The following TUBGCP2 variants were observed in gnomAD, a reference collection of about 807,000 sequenced individuals.
The protein encoded by TUBGCP2 is gamma-tubulin complex component 2.
In TUBGCP2, 55 loss-of-function variants were observed where a neutral mutation model predicts 92.2. The observed-to-expected ratio is 0.60, with a 90% CI of 0.48 to 0.75. TUBGCP2 has a LOEUF of 0.75. TUBGCP2 is among the 30% of genes least tolerant of loss of function. The pLI, the probability that TUBGCP2 is intolerant of heterozygous loss-of-function variation, is 0.00. For synonymous variants in TUBGCP2, 533 were observed against 505.2 expected (o/e 1.06, Z -0.74); for missense variants, 1,093 against 1,188.9 (o/e 0.92, Z 1.19).
rs537258676 is a variant in TUBGCP2 at position 133,287,097 on chromosome 10, A to C, written c.1722+1032T>G. ...AGACGAAAGAAGATTCAAATTACTA[A>C]AATCAGAAAAAGAAGGGATATAACT... On this transcript the variant is annotated intron_variant, in intron 11 of 17. Transcript: ENST00000252936. 3.3e-5 allele frequency among the ~76,000 whole-genome samples: 5 copies of C among 152,376 alleles called. No individual in the cohort carries two copies. In the East Asian group the frequency reaches 9.6e-4, roughly 29 times the overall value.
At chr10:133,286,797 C>G (rs1847144369) in intron 11 of TUBGCP2, among the ~76,000 whole-genome samples, 2 of 152,194 alleles carry the variant, frequency 1.3e-5, no homozygotes, top group African/African-American at 4.8e-5. Flanking sequence ...ACGGCTCCAA[C>G]AAGAAATCAG....
chr10:133,299,890 C>G lies in TUBGCP2; in HGVS notation c.279+95G>C, dbSNP rs1285768931. 2.6e-5 allele frequency: 39 copies of G among 1,511,936 alleles called. 1 individual carries two copies. The East Asian group carries it at 8.4e-4, about 33-fold the overall frequency. The allele number at this position is 1,511,936 out of a possible 1,614,324, so 93.7% of individuals were successfully genotyped here. A position where few individuals can be genotyped will look rare whatever the true frequency, so the allele number is the denominator to read the frequency against. ...CGTTACTGGTGTGAGCGAGGAAGAG[C>G]TGACAGGAAGATGGCGTGGAGTGAG... On this transcript the variant is annotated intron_variant, in intron 3 of 17. Coordinates refer to ENST00000252936, the MANE Select transcript of TUBGCP2 (RefSeq NM_006659.4).
Position 133,293,614 on chromosome 10 carries a change from C to G in TUBGCP2, c.772G>C (p.Glu258Gln). Residue 258 changes from glutamate (E) to glutamine (Q), a missense_variant, in exon 6 of 18, where the codon GAG becomes CAG. Physicochemically the swap from Glu to Gln is conservative, Grantham distance 29. Around this residue, in one of 3 missense-constraint regions of TUBGCP2, gnomAD observed 490 missense variants for 488.5 expected, o/e 1.00. Transcript: ENST00000252936. ...ACTGGGAGGATCCTGTGCACCAGCT[C>G]CCTGATGGACAGGTCCAGGTTGGGG... is the stretch of plus-strand genomic sequence containing the variant. ...VDPNLDLSIRELVHRILPVAA... is the reference protein window; with the variant it reads ...VDPNLDLSIRQLVHRILPVAA... 2 of 1,565,328 alleles carry G rather than the reference C, an allele frequency of 1.3e-6. No homozygotes were observed. Among genetic ancestry groups the G allele is most frequent in the Non-Finnish European group, 1.7e-6 (2 of 1,155,072 alleles).
intron 5 of TUBGCP2, among the ~76,000 whole-genome samples, chr10:133,296,898 G>A (rs1449691554): frequency 6.6e-6 from 1 of 152,172 alleles, no homozygotes; most frequent in African/African-American, 2.4e-5. Context: ...TTTGCTTGGG[G>A]ATGAGGAAAA....
intron 2 of TUBGCP2, among the ~76,000 whole-genome samples, chr10:133,301,056 C>G (rs1279984569): frequency 1.3e-5 from 2 of 152,196 alleles, no homozygotes; most frequent in African/African-American, 4.8e-5. Flanking sequence ...GTATTCCCCG[C>G]AGTAGTTTAT....
rs766709936 is a variant in TUBGCP2 at position 133,299,545 on chromosome 10, A to G, written c.338T>C (p.Val113Ala). 1.2e-6 allele frequency: 2 copies of G among 1,613,694 alleles called. No homozygotes were observed. Among genetic ancestry groups the G allele is most frequent in the Non-Finnish European group, 1.7e-6 (2 of 1,179,736 alleles). ...KERAELAAAAVGSSTTSINVP... is the reference protein window; with the variant it reads ...KERAELAAAAAGSSTTSINVP... ...GTTGATGCTGGTGGTACTGCTGCCC[A>G]CAGCAGCGGCTGCAAGCTCAGCTCT... Residue 113 changes from valine (V) to alanine (A), a missense_variant, in exon 4 of 18, where the codon GTG (valine) becomes GCG (alanine). Physicochemically the swap from Val to Ala is moderately conservative, Grantham distance 64 (BLOSUM62 0). Coordinates refer to ENST00000252936, the MANE Select transcript of TUBGCP2 (RefSeq NM_006659.4).
At chr10:133,311,953 C>T, upstream of TUBGCP2, 5 of 1,612,428 alleles carry the variant, frequency 3.1e-6, no homozygotes, top group Non-Finnish European at 4.2e-6. Context: ...AAAGGTAACG[C>T]TGGGTAAGAA....
rs781028187 is a variant in TUBGCP2, at chr10:133,288,327, C to A, written c.1542-18G>T. 1.9e-6 allele frequency: 3 copies of A among 1,610,902 alleles called. No individual in the cohort carries two copies. The highest frequency in any genetic ancestry group is 4.5e-5 in the East Asian group (2 of 44,748). On this transcript the variant is annotated intron_variant, in intron 10 of 17. Coordinates refer to ENST00000252936, the MANE Select transcript of TUBGCP2 (RefSeq NM_006659.4). The stretch of plus-strand genomic sequence containing the variant: ...TGATGGACCTGCGCCAGGGAGCAGG[C>A]GTGAGCAGGTGCCCACCCGCAGGTG...
upstream of TUBGCP2, chr10:133,310,256 C>A (rs1345905963): frequency 1.2e-6 from 2 of 1,614,044 alleles, no homozygotes; most frequent in Admixed American, 1.7e-5. Context: ...ACCCCGCGGA[C>A]TTCCGGTTTG....
chr10:133,298,613 C>T (rs910384703), intron 4 of TUBGCP2, among the ~76,000 whole-genome samples: 3 of 152,268 alleles, frequency 2.0e-5, no homozygotes, highest in African/African-American at 4.8e-5. Context: ...TGCCCTCCTG[C>T]GCCAGTGGCC....
intron 17 of TUBGCP2, among the ~76,000 whole-genome samples, chr10:133,280,332 T>G (rs1846935612): frequency 6.6e-6 from 1 of 152,142 alleles, no homozygotes; most frequent in African/African-American, 2.4e-5. Flanking sequence ...AAGCAGTGGT[T>G]CTCAATGCAG....
In TUBGCP2 at chr10:133,278,819, TC is replaced by T. The variant is rs201594810; in HGVS notation, c.*946del. The T allele has an allele frequency of 0.02, 2,986 of 152,376 alleles. 48 individuals are homozygous for T. The highest frequency in any genetic ancestry group is 0.031 in the Non-Finnish European group (2,144 of 68,078). 9.4% of individuals were successfully genotyped at this position (152,376 alleles called of 1,614,324 possible). ...AGGATCCTGTTCTAGCTATCCTTTC[TC>T]CCAACCTCGCCTCCAGGGCCCTTCC... On this transcript the variant is annotated 3_prime_UTR_variant, in exon 18 of 18. Coordinates refer to ENST00000252936, the MANE Select transcript of TUBGCP2 (RefSeq NM_006659.4).
At chr10:133,293,395 C>T (rs367787005) in intron 6 of TUBGCP2, among the ~76,000 whole-genome samples, 157 bp from the exon 7 acceptor site, 2 of 152,220 alleles carry the variant, frequency 1.3e-5, no homozygotes, top group Admixed American at 1.3e-4. Flanking sequence ...GAGTCAGGAC[C>T]CTGGATGGTG....
intron 1 of TUBGCP2, 110 bp from the exon 2 acceptor site, chr10:133,303,090 C>A: frequency 1.0e-6 from 1 of 967,694 alleles, no homozygotes; most frequent in Non-Finnish European, 1.5e-6. Flanking sequence ...CAAGTTATCA[C>A]CTGGCCTGCC....
upstream of TUBGCP2, chr10:133,311,498 A>G (rs1055454703): frequency 1.6e-5 from 8 of 495,942 alleles, no homozygotes; most frequent in East Asian, 1.9e-4. Flanking sequence ...AGTTAAGTTT[A>G]TAAGATGCAG....
chr10:133,284,116 T>C lies in TUBGCP2; in HGVS notation c.2025-114A>G, dbSNP rs573404228. 2.3e-4 allele frequency: 337 copies of C among 1,494,876 alleles called. 1 individual carries two copies. Among genetic ancestry groups the C allele is most frequent in the Admixed American group, 4.2e-4 (20 of 47,740 alleles). 92.6% of individuals were successfully genotyped at this position (1,494,876 alleles called of 1,614,324 possible). ...GGAGGACGTTCTCTGGACGTGGCTA[T>C]TTCCTCTGCAGAGCAAGCGCCCCTC... On this transcript the variant is annotated intron_variant, in intron 13 of 17. Transcript: ENST00000252936.
intron 1 of TUBGCP2, among the ~76,000 whole-genome samples, chr10:133,305,569 C>T (rs1015961936): frequency 6.6e-6 from 1 of 152,042 alleles, no homozygotes; most frequent in Non-Finnish European, 1.5e-5. Context: ...AGGAGAAAAA[C>T]CCACCGACCC....
upstream of TUBGCP2, chr10:133,310,498 T>G (rs1220730672): frequency 4.9e-6 from 3 of 615,332 alleles, no homozygotes; most frequent in Non-Finnish European, 8.4e-6. Flanking sequence ...GGGGAGCCCC[T>G]GGCTGCCCAG....
intron 14 of TUBGCP2, 145 bp downstream of exon 14, chr10:133,283,737 C>CT (rs1847054304): frequency 1.7e-6 from 2 of 1,179,334 alleles, no homozygotes; most frequent in African/African-American, 3.1e-5. Context: ...CTCCCTGCCT[C>CT]TCCTGCACTC....
Sources: allele counts gnomAD v4.1 joint callset (sites outside exome capture counted in the v4.1 genomes callset), GRCh38; gene constraint gnomAD v4.1.1; regional missense constraint gnomAD v4.1.1; transcripts MANE v1.5; gene names NCBI Gene and HGNC (gene_info 2026-07-23, HGNC 2026-07-21).